The following SCML4 variants were observed in gnomAD, a reference collection of about 807,000 sequenced individuals.
SCML4 encodes sex comb on midleg-like protein 4.
Under a neutral mutation model 41.1 loss-of-function variants are expected in SCML4, and 34 were observed. That is an observed-to-expected ratio of 0.83 (90% CI 0.63 to 1.10). SCML4 has a LOEUF of 1.10. Ranked by LOEUF, SCML4 falls within the 50% of genes least tolerant of loss-of-function variation. The pLI, the probability that SCML4 is intolerant of heterozygous loss-of-function variation, is 0.00. For synonymous variants in SCML4, 214 were observed against 220.9 expected, an observed-to-expected ratio of 0.97 and a Z score of 0.28; for missense variants, 522 against 534.1, an observed-to-expected ratio of 0.98 and a Z score of 0.22.
chr6:107,718,472 C>T (rs1390591066), intron 6 of SCML4: 1 of 152,306 alleles, frequency 6.6e-6, no homozygotes, highest in Non-Finnish European at 1.5e-5. Context: ...GCAGAACAGA[C>T]TCATACACAG....
At chr6:107,751,406 G>A (rs1778609643) in intron 2 of SCML4, among the ~76,000 whole-genome samples, 1 of 151,894 alleles carries the variant, frequency 6.6e-6, no homozygotes, top group East Asian at 1.9e-4. Flanking sequence ...TCTGAGGCAG[G>A]AGTATGCCTG....
At chr6:107,841,647 T>C in the SCML4 span, among the ~76,000 whole-genome samples, 1 of 152,210 alleles carries the variant, frequency 6.6e-6, no homozygotes, top group Non-Finnish European at 1.5e-5. Context: ...TGGACAAATA[T>C]ATGCAAAGTG....
intron 6 of SCML4, among the ~76,000 whole-genome samples, chr6:107,708,358 G>T (rs904545819): frequency 4.6e-5 from 7 of 152,088 alleles, no homozygotes; most frequent in African/African-American, 7.2e-5. Context: ...TTCTCGGCAG[G>T]CCCAGGGCCT....
chr6:107,839,352 AGAAAGAAAGAAAGAAG>A, the SCML4 span, among the ~76,000 whole-genome samples: 16,495 of 79,302 alleles, frequency 0.21, 1,335 homozygotes, highest in Non-Finnish European at 0.23. Flanking sequence ...AAAGAAAGAA[AGAAAGAAAGAAAGAAG>A]GAAAGAAAGA....
chr6:107,720,951 C>A lies in SCML4; in HGVS notation c.725G>T (p.Gly242Val). 6.2e-7 allele frequency: 1 copy of A among 1,613,482 alleles called. No homozygotes were observed. The change falls in exon 6 of 8, where the codon GGC (glycine) becomes GTC (valine). Residue 242 changes from glycine to valine, a missense_variant. Physicochemically the swap from Gly to Val is moderately radical, Grantham distance 109. Transcript: ENST00000369020. Reference sequence around the variant, plus strand: ...GGTGTCCACGCTGTAGCGGTTCATGCCCACAGGGTTCACCAGGTACTCTTC... The same window carrying A: ...GGTGTCCACGCTGTAGCGGTTCATGACCACAGGGTTCACCAGGTACTCTTC... ...TTEEYLVNPV[G>V]MNRYSVDTSA...
intron 1 of SCML4, among the ~76,000 whole-genome samples, chr6:107,808,393 G>A (rs1481621197): frequency 1.3e-5 from 2 of 152,154 alleles, no homozygotes; most frequent in South Asian, 2.1e-4. Context: ...AGGGTCCCAG[G>A]AGTCAAGTGA....
In SCML4 at chr6:107,720,942, C is replaced by T. The variant is rs758923471; in HGVS notation, c.734G>A (p.Arg245His). Residue 245 changes from arginine to histidine, a missense_variant, in exon 6 of 8, where the codon CGC (arginine) becomes CAC (histidine). Physicochemically the swap from Arg to His is conservative, Grantham distance 29. Coordinates refer to ENST00000369020, the MANE Select transcript of SCML4 (RefSeq NM_198081.5). ...EYLVNPVGMNRYSVDTSASTF... is the reference protein window; with the variant it reads ...EYLVNPVGMNHYSVDTSASTF... Reference sequence around the variant, plus strand: ...GGAGGCGGAGGTGTCCACGCTGTAGCGGTTCATGCCCACAGGGTTCACCAG... The same window carrying T: ...GGAGGCGGAGGTGTCCACGCTGTAGTGGTTCATGCCCACAGGGTTCACCAG... The T allele has an allele frequency of 9.9e-6, 16 of 1,613,706 alleles. No homozygotes were observed. Among genetic ancestry groups the T allele is most frequent in the Non-Finnish European group, 1.3e-5 (15 of 1,179,858 alleles).
chr6:107,797,046 A>G (rs1484814495), intron 1 of SCML4, among the ~76,000 whole-genome samples: 1 of 152,100 alleles, frequency 6.6e-6, no homozygotes, highest in Non-Finnish European at 1.5e-5. Context: ...ACTTATGCCA[A>G]TTCCAAACTC....
At chr6:107,843,917 C>A in the SCML4 span, among the ~76,000 whole-genome samples, 4 of 136,032 alleles carry the variant, frequency 2.9e-5, no homozygotes, top group African/African-American at 1.0e-4. Flanking sequence ...TGTGCTTTCT[C>A]CACCACTGAG....
At chr6:107,781,533 G>A (rs1350337089) in intron 1 of SCML4, among the ~76,000 whole-genome samples, 1 of 152,096 alleles carries the variant, frequency 6.6e-6, no homozygotes, top group Non-Finnish European at 1.5e-5. Flanking sequence ...TGCGCTCCCA[G>A]CTATTCAGGA....
chr6:107,755,454 G>A lies in SCML4; in HGVS notation c.157-5641C>T, dbSNP rs1779023627. The A allele has an allele frequency of 1.3e-5, 3 of 235,356 alleles. No individual in the cohort carries two copies. In the South Asian group the frequency reaches 2.2e-4, roughly 17 times the overall value. 14.6% of individuals were successfully genotyped at this position (235,356 alleles called of 1,614,324 possible). ...AAAGAATAAAAAGTAGCCTAGTGTA[G>A]AAAAGGGAGTCACCCATGATTTTGG... On this transcript the variant is annotated intron_variant, in intron 2 of 7. Transcript: ENST00000369020.
chr6:107,722,721 ATCT>A (rs1775551608), intron 5 of SCML4, among the ~76,000 whole-genome samples: 1 of 152,220 alleles, frequency 6.6e-6, no homozygotes, highest in Non-Finnish European at 1.5e-5. Context: ...AAGCTAGCAG[ATCT>A]TCTCATAGTT....
At chr6:107,815,633 A>ATT (rs1466551025) in intron 1 of SCML4, among the ~76,000 whole-genome samples, 6 of 152,226 alleles carry the variant, frequency 3.9e-5, no homozygotes, top group African/African-American at 1.4e-4. Flanking sequence ...TTCTTGGGGC[A>ATT]GGTGTCAGCC....
intron 2 of SCML4, among the ~76,000 whole-genome samples, chr6:107,751,582 C>CTTTA (rs1319520599): frequency 3.1e-4 from 31 of 101,284 alleles, no homozygotes; most frequent in African/African-American, 1.3e-3. Context: ...ATCTTTCTTT[C>CTTTA]TTTCTTTCTT....
chr6:107,809,105 T>C (rs1583646763), intron 1 of SCML4, among the ~76,000 whole-genome samples: 1 of 151,328 alleles, frequency 6.6e-6, no homozygotes, highest in African/African-American at 2.4e-5. Context: ...GGCTTGAGGG[T>C]GAAGGGAGCA....
chr6:107,707,758 A>C (rs1583358623), intron 7 of SCML4, 108 bp downstream of exon 7: 2 of 1,403,748 alleles, frequency 1.4e-6, no homozygotes, highest in East Asian at 2.5e-5. Context: ...AGTTTAGAGC[A>C]CCCCTCCACC....
chr6:107,776,531 T>C (rs1329241077), intron 1 of SCML4, among the ~76,000 whole-genome samples: 3 of 152,216 alleles, frequency 2.0e-5, no homozygotes, highest in Non-Finnish European at 4.4e-5. Context: ...TAAGGTATCA[T>C]TTGTCAATTG....
Position 107,744,955 on chromosome 6 carries a change from C to G in SCML4, c.676G>C (p.Glu226Gln). ...KVQEKEEGRM[E>Q]SVKTVTTEEY... ...GAAGCAGGACAAGGCCTACCTGATT[C>G]CATCCTCCCTTCCTCTTTCTCCTGG... Residue 226 changes from glutamate (E) to glutamine (Q), a missense_variant, in exon 5 of 8, where the codon GAA becomes CAA. Glu to Gln is a conservative substitution (Grantham distance 29). Transcript: ENST00000369020. 2.5e-6 allele frequency: 4 copies of G among 1,607,940 alleles called. No individual in the cohort carries two copies. The highest frequency in any genetic ancestry group is 3.4e-6 in the Non-Finnish European group (4 of 1,176,972).
At chr6:107,707,212 G>T (rs1773731357) in intron 7 of SCML4, among the ~76,000 whole-genome samples, 1 of 152,128 alleles carries the variant, frequency 6.6e-6, no homozygotes, top group Admixed American at 6.5e-5. Context: ...TGAGGCACAA[G>T]AATTGCTTGA....
Sources: allele counts gnomAD v4.1 joint callset (sites outside exome capture counted in the v4.1 genomes callset), GRCh38; gene constraint gnomAD v4.1.1; transcripts MANE v1.5; gene names NCBI Gene and HGNC (gene_info 2026-07-23, HGNC 2026-07-21).